The following MACROD2 variants were observed in gnomAD, a reference collection of about 807,000 sequenced individuals.
The protein encoded by MACROD2 is ADP-ribose glycohydrolase MACROD2.
Under a neutral mutation model 70.4 loss-of-function variants are expected in MACROD2, and 36 were observed. That is an observed-to-expected ratio of 0.51 (90% CI 0.39 to 0.68). MACROD2 has a LOEUF of 0.68. MACROD2 is among the 30% of genes least tolerant of loss of function. The pLI, the probability that MACROD2 is intolerant of heterozygous loss-of-function variation, is 0.00. For missense variants in MACROD2, 496 were observed against 538.4 expected, an observed-to-expected ratio of 0.92 and a Z score of 0.78; for synonymous variants, 172 against 178.8, an observed-to-expected ratio of 0.96 and a Z score of 0.30.
At chr20:15,137,254 G>T (rs1343446856) in intron 5 of MACROD2, among the ~76,000 whole-genome samples, 1 of 151,730 alleles carries the variant, frequency 6.6e-6, no homozygotes. Context: ...AAAGACACAT[G>T]CACACGTATG....
At chr20:14,950,945 G>T (rs992934925) in intron 5 of MACROD2, among the ~76,000 whole-genome samples, 4 of 152,140 alleles carry the variant, frequency 2.6e-5, no homozygotes, top group African/African-American at 9.7e-5. Flanking sequence ...AAAATCACTA[G>T]GGAATTGCAA....
rs111444749 is a variant in MACROD2, at chr20:14,918,726, A to G, written c.418+233767A>G. ...TTACGCATTTCTGAAACCAAATTCA[A>G]GTCCTAACATTTATTTTCACTGAAG... On this transcript the variant is annotated intron_variant, in intron 5 of 17. Transcript: ENST00000684519. Among the ~76,000 whole-genome samples the G allele has an allele frequency of 2.4e-3, 364 of 151,976 alleles. 8 individuals are homozygous for G. Among genetic ancestry groups the G allele is most frequent in the African/African-American group, 7.4e-3 (308 of 41,478 alleles).
chr20:14,066,429 A>G (rs116499688), intron 2 of MACROD2, among the ~76,000 whole-genome samples: 68 of 152,354 alleles, frequency 4.5e-4, no homozygotes, highest in African/African-American at 1.5e-3. Context: ...GTATTTTGAT[A>G]CATAGTCTTG....
intron 4 of MACROD2, among the ~76,000 whole-genome samples, chr20:14,612,710 A>G (rs1415653248): frequency 6.6e-6 from 1 of 152,072 alleles, no homozygotes; most frequent in Non-Finnish European, 1.5e-5. Context: ...CCTCCCTAAA[A>G]CAATAGTCTT....
chr20:15,473,897 T>G (rs1462980218), intron 7 of MACROD2, among the ~76,000 whole-genome samples: 1 of 152,158 alleles, frequency 6.6e-6, no homozygotes, highest in East Asian at 1.9e-4. Flanking sequence ...GAAGCAAAAT[T>G]AAGATCTTTT....
chr20:15,489,774 A>C (rs1189419035), intron 7 of MACROD2, among the ~76,000 whole-genome samples: 1 of 152,132 alleles, frequency 6.6e-6, no homozygotes, highest in African/African-American at 2.4e-5. Flanking sequence ...TGTTCCATCC[A>C]TTCTGAGGAC....
At chr20:15,526,485 G>A (rs1193942761) in intron 8 of MACROD2, among the ~76,000 whole-genome samples, 2 of 152,132 alleles carry the variant, frequency 1.3e-5, no homozygotes, top group Admixed American at 1.3e-4. Context: ...GAGAGTGGAA[G>A]GGAAGTCATT....
intron 5 of MACROD2, among the ~76,000 whole-genome samples, chr20:14,761,374 G>C (rs1290789328): frequency 2.0e-5 from 3 of 152,022 alleles, no homozygotes; most frequent in East Asian, 1.9e-4. Context: ...ATTAATATTT[G>C]AGTCACGATA....
At chr20:14,281,804 G>A (rs1394565466) in intron 3 of MACROD2, among the ~76,000 whole-genome samples, 1 of 151,592 alleles carries the variant, frequency 6.6e-6, no homozygotes, top group Non-Finnish European at 1.5e-5. Flanking sequence ...GCGCGGTGAT[G>A]TGTGCTTGTA....
chr20:15,736,836 T>C (rs2051028082), intron 8 of MACROD2, among the ~76,000 whole-genome samples: 2 of 152,178 alleles, frequency 1.3e-5, no homozygotes, highest in South Asian at 4.1e-4. Context: ...TTTTGGTATC[T>C]GCAGGAGGTC....
chr20:14,563,435 G>A (rs975091257), intron 4 of MACROD2, among the ~76,000 whole-genome samples: 5 of 152,066 alleles, frequency 3.3e-5, no homozygotes, highest in Middle Eastern at 3.4e-3. Context: ...ATATCTATTA[G>A]AGTGGCTAAG....
chr20:15,658,813 G>C (rs145613138), intron 8 of MACROD2, among the ~76,000 whole-genome samples: 287 of 152,248 alleles, frequency 1.9e-3, no homozygotes, highest in African/African-American at 6.7e-3. Flanking sequence ...TTTTGCTAAA[G>C]AGACCCCAGT....
intron 5 of MACROD2, among the ~76,000 whole-genome samples, chr20:14,738,681 G>T (rs2071697419): frequency 6.6e-6 from 1 of 151,550 alleles, no homozygotes; most frequent in Non-Finnish European, 1.5e-5. Context: ...ATATATTTAT[G>T]TATATGTATA....
At chr20:14,763,766 C>T (rs2072047592) in intron 5 of MACROD2, among the ~76,000 whole-genome samples, 1 of 152,114 alleles carries the variant, frequency 6.6e-6, no homozygotes, top group Admixed American at 6.5e-5. Flanking sequence ...CAGCCTGAAT[C>T]TGCACTGCCT....
chr20:14,590,764 C>T (rs967335202), intron 4 of MACROD2, among the ~76,000 whole-genome samples: 2 of 151,952 alleles, frequency 1.3e-5, no homozygotes, highest in South Asian at 2.1e-4. Flanking sequence ...TAATATTTTG[C>T]GTATTTAGAT....
chr20:14,092,655 A>C (rs1049474906), intron 3 of MACROD2, among the ~76,000 whole-genome samples: 1 of 152,186 alleles, frequency 6.6e-6, no homozygotes, highest in Non-Finnish European at 1.5e-5. Flanking sequence ...GATTGGGCAA[A>C]TTATTCAACC....
chr20:15,374,889 C>T (rs1168871778), intron 6 of MACROD2, among the ~76,000 whole-genome samples: 2 of 152,156 alleles, frequency 1.3e-5, no homozygotes, highest in Non-Finnish European at 1.5e-5. Flanking sequence ...ACATAAAATT[C>T]ATGGCTTTGC....
At position 14,677,820 on chromosome 20, in the gene MACROD2, C is replaced by A. The variant is rs538105887; in HGVS notation, c.302-7023C>A. On this transcript the variant is annotated intron_variant, in intron 4 of 17. Coordinates refer to ENST00000684519, the MANE Select transcript of MACROD2 (RefSeq NM_001351661.2). ...TGGGTACTCACCGAGTCTTCAGACT[C>A]CAGCATGATTAAGGACTCTGAGACA... Among the ~76,000 whole-genome samples, 17 of 152,234 alleles carry A rather than the reference C, an allele frequency of 1.1e-4. No individual in the cohort carries two copies. The South Asian group carries it at 3.5e-3, about 32-fold the overall frequency.
At chr20:15,889,549 A>G (rs946537651) in intron 10 of MACROD2, among the ~76,000 whole-genome samples, 1 of 152,210 alleles carries the variant, frequency 6.6e-6, no homozygotes, top group African/African-American at 2.4e-5. Flanking sequence ...GGTATCAGAC[A>G]TGGTCATCTG....
Sources: allele counts gnomAD v4.1 joint callset (sites outside exome capture counted in the v4.1 genomes callset), GRCh38; gene constraint gnomAD v4.1.1; transcripts MANE v1.5; gene names NCBI Gene and HGNC (gene_info 2026-07-23, HGNC 2026-07-21).